The following DRC9 variants were observed in gnomAD, a reference collection of about 807,000 sequenced individuals.
The protein encoded by DRC9 is dynein regulatory complex protein 9.
At chr3:197,904,101 T>TACATAC in the DRC9 span, among the ~76,000 whole-genome samples, 2 of 45,836 alleles carry the variant, frequency 4.4e-5, no homozygotes, top group Admixed American at 2.9e-4. Context: ...TATATATATA[T>TACATAC]ATATATATAT....
chr3:197,899,495 G>A, the DRC9 span, among the ~76,000 whole-genome samples: 2 of 152,186 alleles, frequency 1.3e-5, no homozygotes, highest in Non-Finnish European at 2.9e-5. Flanking sequence ...GCTGAGGTGG[G>A]AGGATTGCTT....
At chr3:197,918,491 A>T in the DRC9 span, among the ~76,000 whole-genome samples, 1 of 152,024 alleles carries the variant, frequency 6.6e-6, no homozygotes, top group African/African-American at 2.4e-5. Context: ...TACCTATATA[A>T]TCCCTTAGAT....
the DRC9 span, among the ~76,000 whole-genome samples, chr3:197,904,096 ATATATATATATATATT>A: frequency 8.0e-4 from 37 of 46,042 alleles, 2 homozygotes; most frequent in African/African-American, 2.9e-3. Context: ...ACATATATAT[ATATATATATATATATT>A]TTTTTTTTTA....
chr3:197,937,764 C>T, the DRC9 span, among the ~76,000 whole-genome samples: 1 of 151,906 alleles, frequency 6.6e-6, no homozygotes, highest in Non-Finnish European at 1.5e-5. Flanking sequence ...AGGTTGAGCC[C>T]CCGCGCCCAG....
At chr3:197,908,371 C>T in the DRC9 span, among the ~76,000 whole-genome samples, 4 of 124,548 alleles carry the variant, frequency 3.2e-5, no homozygotes, top group South Asian at 2.7e-4. Flanking sequence ...GACTGTACCA[C>T]GTCTGAAGAG....
chr3:197,930,674 C>T, the DRC9 span, among the ~76,000 whole-genome samples: 5 of 147,482 alleles, frequency 3.4e-5, no homozygotes, highest in East Asian at 1.0e-3. Flanking sequence ...GATGAGGCTG[C>T]AGTGAGCTGT....
chr3:197,889,917 T>C, the DRC9 span, among the ~76,000 whole-genome samples: 1 of 151,980 alleles, frequency 6.6e-6, no homozygotes, highest in African/African-American at 2.4e-5. Flanking sequence ...GACTCAAGAG[T>C]GAAGTTCTCA....
the DRC9 span, among the ~76,000 whole-genome samples, chr3:197,894,958 C>T: frequency 2.0e-5 from 3 of 151,800 alleles, no homozygotes; most frequent in African/African-American, 4.8e-5. Context: ...TACTCAGAGC[C>T]GAGGCAGGGT....
At chr3:197,942,603 T>C in the DRC9 span, among the ~76,000 whole-genome samples, 74 of 152,080 alleles carry the variant, frequency 4.9e-4, no homozygotes, top group Non-Finnish European at 9.7e-4. Flanking sequence ...CAATTTTCAA[T>C]GGTCATAGAA....
chr3:197,938,559 A>C, the DRC9 span: 83 of 1,611,168 alleles, frequency 5.2e-5, 4 homozygotes, highest in South Asian at 7.9e-4. Context: ...TATCAATCTG[A>C]ATTTTCTTCA....
At chr3:197,952,173 T>G in the DRC9 span, among the ~76,000 whole-genome samples, 27 of 136,174 alleles carry the variant, frequency 2.0e-4, no homozygotes, top group African/African-American at 6.0e-4. Flanking sequence ...TTTTTTTTTT[T>G]TTTTTTTTTT....
the DRC9 span, among the ~76,000 whole-genome samples, chr3:197,942,311 G>A: frequency 2.0e-5 from 3 of 149,430 alleles, no homozygotes; most frequent in Non-Finnish European, 3.0e-5. Flanking sequence ...ATGAACCCGG[G>A]AGGCGGAGCT....
chr3:197,898,421 TAGAC>T, the DRC9 span, among the ~76,000 whole-genome samples: 5 of 152,252 alleles, frequency 3.3e-5, no homozygotes, highest in African/African-American at 4.8e-5. Flanking sequence ...TTTAGGAAAC[TAGAC>T]AGATTAGCAA....
the DRC9 span, among the ~76,000 whole-genome samples, chr3:197,927,161 AAAG>A: frequency 1.3e-5 from 2 of 152,194 alleles, no homozygotes; most frequent in Non-Finnish European, 2.9e-5. Context: ...AAACAAAACA[AAAG>A]AAGACTTCTC....
chr3:197,933,018 A>G, the DRC9 span, among the ~76,000 whole-genome samples: 31 of 140,786 alleles, frequency 2.2e-4, no homozygotes, highest in African/African-American at 7.9e-4. Context: ...AATATATATT[A>G]ATATAAAATA....
At chr3:197,917,742 T>C in the DRC9 span, among the ~76,000 whole-genome samples, 24 of 152,012 alleles carry the variant, frequency 1.6e-4, no homozygotes, top group African/African-American at 5.6e-4. Context: ...TTCTCTTTTT[T>C]TTTTTTGAGA....
At chr3:197,892,719 T>C in the DRC9 span, 1 of 1,614,190 alleles carries the variant, frequency 6.2e-7, no homozygotes, top group Non-Finnish European at 8.5e-7. Flanking sequence ...TGTGTCCTTA[T>C]CGTATTTCTC....
the DRC9 span, chr3:197,889,658 C>T: frequency 1.9e-6 from 3 of 1,614,206 alleles, no homozygotes; most frequent in Non-Finnish European, 1.7e-6. Flanking sequence ...TGTCTTTAGG[C>T]ATCTTGAAAC....
the DRC9 span, chr3:197,950,799 T>C: frequency 1.4e-6 from 1 of 717,782 alleles, no homozygotes; most frequent in African/African-American, 1.8e-5. Context: ...CATATGGATG[T>C]TCTGGCATTG....
Sources: gnomAD v4.1 joint callset for allele counts (sites outside exome capture counted in the v4.1 genomes callset) on GRCh38, gnomAD v4.1.1 for gene constraint, MANE v1.5 for transcripts, NCBI Gene and HGNC (gene_info 2026-07-23, HGNC 2026-07-21) for gene names.